Variants in KAZN observed in about 807,000 individuals in gnomAD.
KAZN encodes the protein kazrin, periplakin interacting protein.
KAZN carries 40 observed loss-of-function variants against 87.4 expected under a neutral mutation model. The ratio of observed to expected loss-of-function variants is 0.46; its 90% confidence interval spans 0.36 to 0.60. The LOEUF (loss-of-function observed/expected upper bound fraction) is 0.60. KAZN is among the 20% of genes least tolerant of loss of function. The pLI is 0.00. For synonymous variants in KAZN, 466 were observed against 458.3 expected (o/e 1.02, Z -0.22); for missense variants, 898 against 1,073.9 (o/e 0.84, Z 2.29).
chr1:14,906,624 A>AT (rs1557608219), intron 1 of KAZN, among the ~76,000 whole-genome samples: 1 of 151,904 alleles, frequency 6.6e-6, no homozygotes, highest in Non-Finnish European at 1.5e-5. Context: ...TATAAAGGGA[A>AT]TTTTTTAGAA....
At chr1:14,717,773 C>T (rs967379061) in intron 1 of KAZN, among the ~76,000 whole-genome samples, 1 of 152,194 alleles carries the variant, frequency 6.6e-6, no homozygotes, top group African/African-American at 2.4e-5. Flanking sequence ...GAAACTGAGG[C>T]CCAAGAGGGC....
chr1:14,886,128 T>C (rs1391403305), intron 1 of KAZN, among the ~76,000 whole-genome samples: 1 of 151,830 alleles, frequency 6.6e-6, no homozygotes, highest in African/African-American at 2.4e-5. Context: ...CTGAAAAAAA[T>C]ACACCTGTGT....
chr1:14,465,254 C>T (rs1017657225), intron 2 of KAZN, among the ~76,000 whole-genome samples: 1 of 151,836 alleles, frequency 6.6e-6, no homozygotes, highest in African/African-American at 2.4e-5. Flanking sequence ...AAAAAATTGG[C>T]CAGGCATGGT....
intron 8 of KAZN, among the ~76,000 whole-genome samples, chr1:15,076,180 G>T (rs1639738608): frequency 6.6e-6 from 1 of 152,206 alleles, no homozygotes; most frequent in South Asian, 2.1e-4. Flanking sequence ...CAAGCCAGGA[G>T]GAACTTGAGG....
intron 2 of KAZN, among the ~76,000 whole-genome samples, chr1:14,987,276 T>A (rs1324481629): frequency 6.6e-6 from 1 of 152,046 alleles, no homozygotes; most frequent in African/African-American, 2.4e-5. Context: ...GGGCAGATCA[T>A]GAGGTCAGGA....
At chr1:14,111,740 CTTTT>C (rs68167208) in intron 1 of KAZN, among the ~76,000 whole-genome samples, 6 of 80,774 alleles carry the variant, frequency 7.4e-5, no homozygotes, top group Non-Finnish European at 9.8e-5. Context: ...AGATTCTTTT[CTTTT>C]TTTTTTTTTT....
At chr1:15,023,811 T>G in intron 2 of KAZN, among the ~76,000 whole-genome samples, 1 of 149,262 alleles carries the variant, frequency 6.7e-6, no homozygotes, top group African/African-American at 2.5e-5. Context: ...GGGTAGTGAC[T>G]GAGGAGTGGT....
intron 1 of KAZN, among the ~76,000 whole-genome samples, chr1:14,039,512 G>T (rs1010260966): frequency 1.3e-5 from 2 of 152,212 alleles, no homozygotes; most frequent in Non-Finnish European, 2.9e-5. Context: ...TCGGCAGTGG[G>T]CTTTGAGTGA....
intron 2 of KAZN, among the ~76,000 whole-genome samples, chr1:14,591,237 G>T (rs1188804079): frequency 6.6e-6 from 1 of 152,068 alleles, no homozygotes; most frequent in East Asian, 1.9e-4. Flanking sequence ...GATGCCCAGG[G>T]GTTGAACCAG....
At chr1:15,101,366 T>G (rs1641061666) in intron 10 of KAZN, among the ~76,000 whole-genome samples, 177 bp from the exon 11 acceptor site, 1 of 151,628 alleles carries the variant, frequency 6.6e-6, no homozygotes, top group Non-Finnish European at 1.5e-5. Context: ...ATTTTTTCCC[T>G]TTTTTCCTCT....
intron 2 of KAZN, among the ~76,000 whole-genome samples, chr1:14,539,215 A>T (rs1216107963): frequency 6.6e-6 from 1 of 152,214 alleles, no homozygotes; most frequent in Non-Finnish European, 1.5e-5. Context: ...ATGTAGAAGA[A>T]TTACATAAGT....
chr1:14,841,983 T>C (rs1259117468), intron 1 of KAZN, among the ~76,000 whole-genome samples: 1 of 152,196 alleles, frequency 6.6e-6, no homozygotes, highest in East Asian at 1.9e-4. Flanking sequence ...CAGGCCTAAC[T>C]CTCTAACCTC....
At chr1:13,952,334 GATAATAATAATA>G (rs35005409) in intron 1 of KAZN, among the ~76,000 whole-genome samples, 8,726 of 143,010 alleles carry the variant, frequency 0.061, 293 homozygotes, top group African/African-American at 0.073. Context: ...ATAAAATGGA[GATAATAATAATA>G]ATAATAATAA....
chr1:14,814,320 G>A lies in KAZN; in HGVS notation c.227-146364G>A, dbSNP rs1231079754. ...CAGCTCCCTGAAACCTCTGCCCCCCGGGTTCAAGTGATTCTCCTGCCTCAG... is the reference window on the plus strand; with the variant it reads ...CAGCTCCCTGAAACCTCTGCCCCCCAGGTTCAAGTGATTCTCCTGCCTCAG... On this transcript the variant is annotated intron_variant, in intron 1 of 14. Transcript: ENST00000376030. Among the ~76,000 whole-genome samples, 9 of 152,236 alleles carry A rather than the reference G, an allele frequency of 5.9e-5. No individual in the cohort carries two copies. In the South Asian group the frequency reaches 8.3e-4, roughly 14 times the overall value.
At chr1:14,480,834 A>G (rs1571755908) in intron 2 of KAZN, among the ~76,000 whole-genome samples, 1 of 147,050 alleles carries the variant, frequency 6.8e-6, no homozygotes, top group East Asian at 1.9e-4. Flanking sequence ...TACCAAGGAA[A>G]CAAGGAACAG....
intron 2 of KAZN, among the ~76,000 whole-genome samples, chr1:14,483,761 T>C (rs954360574): frequency 1.3e-5 from 2 of 152,224 alleles, no homozygotes; most frequent in Non-Finnish European, 1.5e-5. Context: ...ACAGAGACTT[T>C]TTAGGTTAAT....
chr1:15,044,561 G>C (rs998166925), intron 4 of KAZN, among the ~76,000 whole-genome samples: 1 of 151,940 alleles, frequency 6.6e-6, no homozygotes, highest in African/African-American at 2.4e-5. Flanking sequence ...GACCAGCCTG[G>C]GCAACATGGC....
At chr1:14,233,667 TTAA>T (rs2100549768) in intron 2 of KAZN, among the ~76,000 whole-genome samples, 1 of 152,336 alleles carries the variant, frequency 6.6e-6, no homozygotes, top group Admixed American at 6.5e-5. Context: ...AACAGCTTTC[TTAA>T]TAATGCAAAT....
intron 1 of KAZN, among the ~76,000 whole-genome samples, chr1:14,616,281 G>A (rs1167140395): frequency 6.6e-6 from 1 of 152,138 alleles, no homozygotes; most frequent in Non-Finnish European, 1.5e-5. Context: ...GCTTCCTCAT[G>A]CGGTGTCCCA....
Sources: gnomAD v4.1 joint callset for allele counts (sites outside exome capture counted in the v4.1 genomes callset) on GRCh38, gnomAD v4.1.1 for gene constraint, MANE v1.5 for transcripts, NCBI Gene and HGNC (gene_info 2026-07-23, HGNC 2026-07-21) for gene names.